RPS6KC1: variants seen among roughly 807,000 people sequenced by gnomAD.
RPS6KC1 encodes the protein inactive ribosomal protein S6 kinase delta-1.
In RPS6KC1, 54 loss-of-function variants were observed where a neutral mutation model predicts 103.8. The observed-to-expected ratio is 0.52, with a 90% CI of 0.42 to 0.65. The LOEUF (loss-of-function observed/expected upper bound fraction) is 0.65. Among genes scored for constraint, RPS6KC1 ranks in the 30% least tolerant of loss-of-function variants. The pLI is 0.00. For missense variants in RPS6KC1, 1,151 were observed against 1,253.8 expected (o/e 0.92, Z 1.24); for synonymous variants, 439 against 438.7 (o/e 1.00, Z -0.01).
chr1:213,533,027 T>C, the RPS6KC1 span, among the ~76,000 whole-genome samples: 20,014 of 152,150 alleles, frequency 0.13, 2,114 homozygotes, highest in East Asian at 0.28. Context: ...AATGCCAGCC[T>C]AGGGAAGTTC....
the RPS6KC1 span, among the ~76,000 whole-genome samples, chr1:213,641,008 C>T: frequency 2.6e-5 from 4 of 151,818 alleles, no homozygotes; most frequent in African/African-American, 9.7e-5. Flanking sequence ...TTTTGGAGCT[C>T]TGTTGTTAGG....
intron 4 of RPS6KC1, among the ~76,000 whole-genome samples, chr1:213,112,770 T>C (rs2083165815): frequency 6.6e-6 from 1 of 151,044 alleles, no homozygotes; most frequent in Admixed American, 6.6e-5. Flanking sequence ...TGTGTCCATG[T>C]GTTCTCATTG....
the RPS6KC1 span, among the ~76,000 whole-genome samples, chr1:213,316,943 G>A: frequency 2.0e-5 from 3 of 152,170 alleles, no homozygotes; most frequent in Non-Finnish European, 4.4e-5. Flanking sequence ...GTGAGCCAAG[G>A]GGAGGATCAT....
chr1:213,621,169 T>C, the RPS6KC1 span, among the ~76,000 whole-genome samples: 1 of 152,244 alleles, frequency 6.6e-6, no homozygotes, highest in East Asian at 1.9e-4. Flanking sequence ...GATTATTTAC[T>C]GTGTTTGCCT....
the RPS6KC1 span, among the ~76,000 whole-genome samples, chr1:213,632,329 A>G: frequency 1.3e-5 from 2 of 152,196 alleles, no homozygotes; most frequent in African/African-American, 4.8e-5. Context: ...TGCAGCTCCC[A>G]GCATGATTGA....
At chr1:213,574,915 A>G in the RPS6KC1 span, among the ~76,000 whole-genome samples, 9 of 152,270 alleles carry the variant, frequency 5.9e-5, no homozygotes, top group South Asian at 1.2e-3. Context: ...AATGGTGTCC[A>G]TGACGGGTGA....
intron 5 of RPS6KC1, among the ~76,000 whole-genome samples, chr1:213,124,336 T>A (rs924581097): frequency 6.6e-6 from 1 of 152,184 alleles, no homozygotes; most frequent in Admixed American, 6.6e-5. Flanking sequence ...CAGGTTGGTT[T>A]AACTTTTGAC....
At chr1:213,219,531 C>A (rs574279110) in intron 8 of RPS6KC1, among the ~76,000 whole-genome samples, 28 of 152,220 alleles carry the variant, frequency 1.8e-4, no homozygotes, top group Non-Finnish European at 2.9e-4. Flanking sequence ...AGGATTATAA[C>A]ACATGCTGCT....
chr1:213,691,973 C>T, the RPS6KC1 span, among the ~76,000 whole-genome samples: 1 of 152,146 alleles, frequency 6.6e-6, no homozygotes, highest in Non-Finnish European at 1.5e-5. Flanking sequence ...GGCCCTAGCG[C>T]TAGCGGTGGT....
chr1:213,496,223 A>G, the RPS6KC1 span, among the ~76,000 whole-genome samples: 5 of 152,248 alleles, frequency 3.3e-5, no homozygotes, highest in African/African-American at 9.6e-5. Flanking sequence ...AAAATGTCAG[A>G]CCAAATAGCA....
the RPS6KC1 span, among the ~76,000 whole-genome samples, chr1:213,667,675 G>T: frequency 0.03 from 4,618 of 152,168 alleles, 159 homozygotes; most frequent in East Asian, 0.1. Context: ...TTCACAAAAG[G>T]TTTCTCTGTG....
Position 213,167,439 on chromosome 1 carries a change from A to AACACACACACACACAC in RPS6KC1, c.836-383_836-368dup, listed in dbSNP as rs199762137. 1.4e-3 allele frequency among the ~76,000 whole-genome samples: 109 copies of AACACACACACACACAC among 75,988 alleles called. 1 individual carries two copies. The highest frequency in any genetic ancestry group is 1.8e-3 in the Admixed American group (16 of 8,660). 49.9% of individuals were successfully genotyped at this position (75,988 alleles called of 152,430 possible). On this transcript the variant is annotated intron_variant, in intron 6 of 14. Transcript: ENST00000366960. ...TTTTTAGAAAAAAACCAAGGTTGAA[A>AACACACACACACACAC]ACACACACACACACACACACACACA... is the stretch of plus-strand genomic sequence containing the variant.
intron 6 of RPS6KC1, among the ~76,000 whole-genome samples, chr1:213,157,454 G>T (rs538663055): frequency 6.6e-6 from 1 of 152,060 alleles, no homozygotes; most frequent in African/African-American, 2.4e-5. Flanking sequence ...TGATCTGCCC[G>T]CCTCGGCCTG....
At chr1:213,810,775 T>C in the RPS6KC1 span, among the ~76,000 whole-genome samples, 2 of 152,344 alleles carry the variant, frequency 1.3e-5, 1 homozygote. Flanking sequence ...TTTAATTCAT[T>C]ATTGATGTAA....
the RPS6KC1 span, among the ~76,000 whole-genome samples, chr1:213,297,895 G>C: frequency 2.1e-4 from 32 of 152,202 alleles, no homozygotes; most frequent in Non-Finnish European, 3.7e-4. Flanking sequence ...GGCATTACAG[G>C]TGTAAGCTAC....
intron 3 of RPS6KC1, among the ~76,000 whole-genome samples, chr1:213,079,925 T>C (rs904808920): frequency 2.7e-5 from 4 of 150,924 alleles, no homozygotes; most frequent in South Asian, 4.2e-4. Context: ...TTTCTTTTTT[T>C]TTTTTTTTGA....
chr1:213,312,302 C>T, the RPS6KC1 span, among the ~76,000 whole-genome samples: 2 of 152,000 alleles, frequency 1.3e-5, no homozygotes, highest in Non-Finnish European at 2.9e-5. Context: ...TTCTCAGGGG[C>T]ACTTAGGTGT....
downstream of RPS6KC1, chr1:213,274,837 G>A (rs545355159): frequency 1.2e-4 from 18 of 151,974 alleles, no homozygotes; most frequent in East Asian, 5.8e-4. Context: ...CATTTTATCC[G>A]TTTTAAAATA....
chr1:213,219,998 T>G (rs574143205), intron 8 of RPS6KC1, among the ~76,000 whole-genome samples: 4 of 142,004 alleles, frequency 2.8e-5, no homozygotes, highest in African/African-American at 9.8e-5. Context: ...CCTAAAACTT[T>G]AAGTATAATA....
Sources: allele counts gnomAD v4.1 joint callset (sites outside exome capture counted in the v4.1 genomes callset), GRCh38; gene constraint gnomAD v4.1.1; transcripts MANE v1.5; gene names NCBI Gene and HGNC (gene_info 2026-07-23, HGNC 2026-07-21).